The following TMEM253 variants were observed in gnomAD, a reference collection of about 807,000 sequenced individuals.
The protein encoded by TMEM253 is transmembrane protein 253.
In TMEM253, 22 loss-of-function variants were observed where a neutral mutation model predicts 20.3. The ratio of observed to expected loss-of-function variants is 1.08; its 90% CI spans 0.78 to 1.55. The LOEUF is 1.55. Among genes scored for constraint, TMEM253 ranks in the 40% most tolerant of loss-of-function variants. The pLI, the probability that TMEM253 is intolerant of heterozygous loss-of-function variation, is 0.00. For missense variants in TMEM253, 251 were observed against 266.1 expected (o/e 0.94, Z 0.39); for synonymous variants, 92 against 102.6 (o/e 0.90, Z 0.62).
upstream of TMEM253, chr14:21,098,904 C>T (rs1889476986): frequency 8.0e-7 from 1 of 1,255,900 alleles, no homozygotes; most frequent in Non-Finnish European, 1.0e-6. Flanking sequence ...CTCTCCCTTA[C>T]AATTTCTGTC....
At chr14:21,102,043 C>T (rs1421707754) in intron 3 of TMEM253, 21 bp from the exon 4 acceptor site, 9 of 1,551,070 alleles carry the variant, frequency 5.8e-6, no homozygotes, top group Middle Eastern at 3.3e-4. Context: ...GAGCTCAACA[C>T]TTGCCCTTCT....
chr14:21,102,234 C>A, intron 4 of TMEM253, 114 bp downstream of exon 4: 2 of 1,418,942 alleles, frequency 1.4e-6, no homozygotes, highest in Non-Finnish European at 1.9e-6. Flanking sequence ...GCTGTCACCA[C>A]TGACTGGCCT....
At chr14:21,103,239 C>T (rs893748439) in exon 7 of TMEM253, 2 of 1,551,592 alleles carry the variant, frequency 1.3e-6, no homozygotes, top group Non-Finnish European at 8.7e-7. Context: ...CAGACACGTG[C>T]TGCTCTCCTT....
At chr14:21,102,262 A>G (rs1413728245) in intron 4 of TMEM253, 142 bp downstream of exon 4, 5 of 1,407,392 alleles carry the variant, frequency 3.6e-6, no homozygotes, top group African/African-American at 1.4e-5. Flanking sequence ...TGAGGAGGAA[A>G]GCAAAAAAGT....
exon 7 of TMEM253, chr14:21,103,464 G>C (rs1057718): frequency 0.57 from 433,070 of 759,584 alleles, 126,241 homozygotes; most frequent in Middle Eastern, 0.64. Context: ...TTTCTCCCTT[G>C]CATCCATATC....
intron 2 of TMEM253, 67 bp downstream of exon 2, chr14:21,101,518 C>A: frequency 7.1e-7 from 1 of 1,410,064 alleles, no homozygotes; most frequent in Admixed American, 2.0e-5. Context: ...TTCCATCCAT[C>A]CATCCATCCA....
rs776824899 is a variant in TMEM253, at chr14:21,102,057, C to T, written c.220-7C>T. The T allele has an allele frequency of 1.2e-5, 18 of 1,551,158 alleles. No individual in the cohort carries two copies. In the East Asian group the frequency reaches 3.7e-4, roughly 32 times the overall value. ...AGAGCTCAACACTTGCCCTTCTCAC[C>T]ATTCAGGGTCTCCTCACTGGGACTG... On this transcript the variant is annotated splice_region_variant and splice_polypyrimidine_tract_variant and intron_variant, in intron 3 of 6. Coordinates refer to ENST00000556585, the Ensembl canonical transcript of TMEM253.
chr14:21,101,892 G>A (rs1197379023), exon 3 of TMEM253: 1 of 1,551,536 alleles, frequency 6.4e-7, no homozygotes, highest in Non-Finnish European at 8.7e-7. Flanking sequence ...GGCAGTGGTT[G>A]TGGTGCCCCT....
upstream of TMEM253, among the ~76,000 whole-genome samples, chr14:21,100,532 G>GAGATAGATAGATAGATAGATAGATAGAT (rs3062000): frequency 6.7e-6 from 1 of 150,116 alleles, no homozygotes; most frequent in African/African-American, 2.5e-5. Context: ...TGAGGACCAT[G>GAGATAGATAGATAGATAGATAGATAGAT]AGATAGATAG....
chr14:21,103,632 C>T, exon 7 of TMEM253: 1 of 203,264 alleles, frequency 4.9e-6, no homozygotes, highest in Non-Finnish European at 1.0e-5. Flanking sequence ...CCTTTCGATC[C>T]ATCTCCTTTC....
upstream of TMEM253, chr14:21,099,191 A>G (rs901517024): frequency 6.1e-5 from 11 of 179,674 alleles, no homozygotes; most frequent in African/African-American, 2.6e-4. Context: ...AGTCTAGACT[A>G]CAAACTGGTA....
At chr14:21,102,869 A>G in intron 6 of TMEM253, 90 bp downstream of exon 6, 1 of 1,487,976 alleles carries the variant, frequency 6.7e-7, no homozygotes. Flanking sequence ...AGGGAAAATA[A>G]TGGGGCAGGA....
chr14:21,100,532 G>GAGATAGATAGATAGATAGAT (rs3062000), upstream of TMEM253, among the ~76,000 whole-genome samples: 6 of 150,116 alleles, frequency 4.0e-5, no homozygotes, highest in African/African-American at 1.2e-4. Flanking sequence ...TGAGGACCAT[G>GAGATAGATAGATAGATAGAT]AGATAGATAG....
upstream of TMEM253, chr14:21,099,240 C>T (rs1889494049): frequency 1.9e-5 from 3 of 156,206 alleles, no homozygotes; most frequent in African/African-American, 7.2e-5. Flanking sequence ...TACTGAATGC[C>T]TGTTCACCTA....
At chr14:21,102,682 G>T (rs1451346013) in exon 6 of TMEM253, 2 of 1,551,590 alleles carry the variant, frequency 1.3e-6, no homozygotes, top group South Asian at 1.2e-5. Flanking sequence ...TTCACCCTAG[G>T]GGGAGTGCTG....
chr14:21,101,097 T>C, upstream of TMEM253: 1 of 358,378 alleles, frequency 2.8e-6, no homozygotes, highest in Non-Finnish European at 5.3e-6. Context: ...CCAGGACAAG[T>C]TTGTCGTCTG....
chr14:21,101,395 G>A, exon 2 of TMEM253: 2 of 1,551,672 alleles, frequency 1.3e-6, no homozygotes, highest in South Asian at 2.4e-5. Flanking sequence ...CCTTCGTCTG[G>A]AAAAGCTACA....
At chr14:21,100,683 A>T (rs530129069), upstream of TMEM253, among the ~76,000 whole-genome samples, 1 of 152,348 alleles carries the variant, frequency 6.6e-6, no homozygotes, top group Non-Finnish European at 1.5e-5. Context: ...GAGACTGTCC[A>T]GAAAGTGAGA....
upstream of TMEM253, chr14:21,098,959 G>T: frequency 2.7e-6 from 2 of 751,210 alleles, no homozygotes; most frequent in Non-Finnish European, 3.7e-6. Context: ...GATAGTTAAT[G>T]TCGGCCGTAT....
Sources: allele counts gnomAD v4.1 joint callset (sites outside exome capture counted in the v4.1 genomes callset), GRCh38; gene constraint gnomAD v4.1.1; transcripts MANE v1.5; gene names NCBI Gene and HGNC (gene_info 2026-07-23, HGNC 2026-07-21).